Variants in BCAT1 observed in about 807,000 individuals in gnomAD.
BCAT1 encodes the protein branched chain amino acid transaminase 1.
Under a neutral mutation model 52.4 loss-of-function variants are expected in BCAT1, and 48 were observed. The ratio of observed to expected loss-of-function variants is 0.92; its 90% CI spans 0.73 to 1.16. The LOEUF (loss-of-function observed/expected upper bound fraction) is 1.16, where lower values mean the gene tolerates loss of function less well. Among genes scored for constraint, BCAT1 ranks in the 50% most tolerant of loss-of-function variants. The pLI, the probability that BCAT1 is intolerant of heterozygous loss-of-function variation, is 0.00. For synonymous variants in BCAT1, 167 were observed against 161.3 expected, an observed-to-expected ratio of 1.04 and a Z score of -0.27; for missense variants, 451 against 457.1, an observed-to-expected ratio of 0.99 and a Z score of 0.12.
chr12:24,823,502 A>T (rs1940239094), intron 10 of BCAT1, among the ~76,000 whole-genome samples: 1 of 152,186 alleles, frequency 6.6e-6, no homozygotes, highest in African/African-American at 2.4e-5. Flanking sequence ...AGTCACTAAC[A>T]TTCTGATATG....
Position 24,891,893 on chromosome 12 carries a change from C to T in BCAT1, c.279+2382G>A, listed in dbSNP as rs191585124. The stretch of plus-strand genomic sequence containing the variant: ...CCTCCTAAGTAGCTTGGACTACAGG[C>T]GCCTGCCACCACGCCCGGCTAATTT... On this transcript the variant is annotated intron_variant, in intron 3 of 10. Coordinates refer to ENST00000261192, the MANE Select transcript of BCAT1 (RefSeq NM_005504.7). Among the ~76,000 whole-genome samples, 393 of 149,826 alleles carry T rather than the reference C, an allele frequency of 2.6e-3. 3 individuals are homozygous for T. The highest frequency in any genetic ancestry group is 9.0e-3 in the African/African-American group (366 of 40,784).
In BCAT1 at chr12:24,892,960, C is replaced by G. The variant is rs140446592; in HGVS notation, c.279+1315G>C. Among the ~76,000 whole-genome samples the G allele has an allele frequency of 5.4e-3, 830 of 152,302 alleles. 4 individuals carry two copies. Among genetic ancestry groups the G allele is most frequent in the African/African-American group, 0.019 (802 of 41,562 alleles). ...AAAGAACTCATTCAAATTGACATAA[C>G]AGGAAGAGCTGGGAACAGAAACTTA... On this transcript the variant is annotated intron_variant, in intron 3 of 10. Transcript: ENST00000261192.
chr12:24,836,470 A>C, intron 8 of BCAT1, 41 bp downstream of exon 8: 1 of 1,507,336 alleles, frequency 6.6e-7, no homozygotes, highest in Non-Finnish European at 9.1e-7. Context: ...ATTATTTTTT[A>C]TTTCAGGCTT....
chr12:24,860,908 T>C (rs1235575097), intron 5 of BCAT1, among the ~76,000 whole-genome samples: 2 of 152,224 alleles, frequency 1.3e-5, no homozygotes, highest in African/African-American at 2.4e-5. Context: ...ATCTGAGATT[T>C]CTTATGGAAC....
chr12:24,893,050 A>G (rs1053821408), intron 3 of BCAT1, among the ~76,000 whole-genome samples: 4 of 152,196 alleles, frequency 2.6e-5, no homozygotes, highest in African/African-American at 9.7e-5. Context: ...AATTATATGA[A>G]TTTATAATTT....
intron 10 of BCAT1, 36 bp downstream of exon 10, chr12:24,829,787 A>G (rs7398085): frequency 0.26 from 379,116 of 1,435,518 alleles, 52,748 homozygotes; most frequent in Non-Finnish European, 0.29. Flanking sequence ...AAAAGAAAAG[A>G]AAAGGAAAGA....
chr12:24,944,754 C>G (rs1168259561), intron 1 of BCAT1, among the ~76,000 whole-genome samples: 1 of 152,216 alleles, frequency 6.6e-6, no homozygotes, highest in Non-Finnish European at 1.5e-5. Flanking sequence ...ATGGAACTAG[C>G]TGAGTTTTGC....
intron 6 of BCAT1, among the ~76,000 whole-genome samples, chr12:24,843,070 T>G (rs1941221086): frequency 6.6e-6 from 1 of 152,200 alleles, no homozygotes; most frequent in Non-Finnish European, 1.5e-5. Context: ...TGAGAAGTAC[T>G]GCCGTAAGAC....
chr12:24,903,063 G>A, intron 1 of BCAT1: 1 of 1,393,406 alleles, frequency 7.2e-7, no homozygotes, highest in Non-Finnish European at 9.2e-7. Context: ...GAAAGCAGGC[G>A]GTGTGGCCAA....
chr12:24,923,415 A>C (rs965918267), intron 1 of BCAT1, among the ~76,000 whole-genome samples: 1 of 152,020 alleles, frequency 6.6e-6, no homozygotes, highest in African/African-American at 2.4e-5. Flanking sequence ...GTGTGTGTAT[A>C]TATATATTTT....
intron 1 of BCAT1, chr12:24,902,345 C>A (rs1943130892): frequency 8.3e-7 from 1 of 1,201,218 alleles, no homozygotes; most frequent in South Asian, 2.7e-5. Context: ...GGGCGTGAAC[C>A]ATTTCCTCCA....
intron 1 of BCAT1, among the ~76,000 whole-genome samples, chr12:24,936,329 T>C (rs1181154611): frequency 6.6e-6 from 1 of 152,246 alleles, no homozygotes; most frequent in South Asian, 2.1e-4. Context: ...ACCTCCCGGG[T>C]TCAAGTGATT....
At chr12:24,901,931 G>A (rs1352282620) in intron 1 of BCAT1, 46 bp from the exon 2 acceptor site, 5 of 1,613,492 alleles carry the variant, frequency 3.1e-6, no homozygotes, top group Admixed American at 1.7e-5. Context: ...AGGTGGGTAA[G>A]CGGGACCCGG....
intron 1 of BCAT1, among the ~76,000 whole-genome samples, chr12:24,911,231 G>GT (rs968222733): frequency 8.6e-5 from 13 of 151,658 alleles, no homozygotes; most frequent in African/African-American, 1.9e-4. Flanking sequence ...TTTGTTTAGA[G>GT]TTTTTTTTGC....
intron 1 of BCAT1, among the ~76,000 whole-genome samples, chr12:24,936,736 C>T (rs35063724): frequency 0.16 from 23,913 of 149,556 alleles, 2,972 homozygotes; most frequent in Non-Finnish European, 0.23. Context: ...CACACACACA[C>T]ACACATACAC....
chr12:24,846,628 C>T (rs990279447), intron 6 of BCAT1, among the ~76,000 whole-genome samples: 50 of 152,308 alleles, frequency 3.3e-4, no homozygotes, highest in Non-Finnish European at 7.3e-5. Flanking sequence ...AACCTCACAA[C>T]ATCAGTGACT....
At chr12:24,850,076 T>C in intron 5 of BCAT1, 127 bp from the exon 6 acceptor site, 1 of 886,674 alleles carries the variant, frequency 1.1e-6, no homozygotes, top group Non-Finnish European at 1.6e-6. Context: ...ACCATACTTT[T>C]AAAATTGAGT....
At chr12:24,885,991 T>C (rs1942652522) in intron 3 of BCAT1, among the ~76,000 whole-genome samples, 1 of 152,110 alleles carries the variant, frequency 6.6e-6, no homozygotes, top group Non-Finnish European at 1.5e-5. Context: ...ATAAGGCAGA[T>C]TGACAAAACT....
intron 5 of BCAT1, among the ~76,000 whole-genome samples, chr12:24,856,876 C>T (rs1251611345): frequency 2.0e-5 from 3 of 152,210 alleles, no homozygotes; most frequent in Non-Finnish European, 4.4e-5. Flanking sequence ...GTTTCCCTCT[C>T]GTCTTGTTTT....
Sources: gnomAD v4.1 joint callset for allele counts (sites outside exome capture counted in the v4.1 genomes callset) on GRCh38, gnomAD v4.1.1 for gene constraint, MANE v1.5 for transcripts, NCBI Gene and HGNC (gene_info 2026-07-23, HGNC 2026-07-21) for gene names.